Variants in SLC25A29 observed in about 807,000 individuals in gnomAD.
SLC25A29 encodes the protein mitochondrial basic amino acids transporter.
SLC25A29 carries 13 observed loss-of-function variants against 10.0 expected under a neutral mutation model. That is an observed-to-expected ratio of 1.30 (90% confidence interval 0.85 to 2.07). The LOEUF is 2.07. Among genes scored for constraint, SLC25A29 ranks in the 30% most tolerant of loss-of-function variants. The pLI is 0.00. For missense variants in SLC25A29, 475 were observed against 447.6 expected, an observed-to-expected ratio of 1.06 and a Z score of -0.55; for synonymous variants, 244 against 221.1, an observed-to-expected ratio of 1.10 and a Z score of -0.92.
At position 100,296,059 on chromosome 14, in the gene SLC25A29, GAC is replaced by G. The variant is rs1402631671; in HGVS notation, c.79-2684_79-2683del. On this transcript the variant is annotated intron_variant, in intron 2 of 3. Transcript: ENST00000359232. ...CTGTGGCCATGTGACAGTACGGACT[GAC>G]ACAGACTCGGGTGGCCCCTGATGAT... 13 of 1,266,050 alleles carry G rather than the reference GAC, an allele frequency of 1.0e-5. No individual in the cohort carries two copies. The South Asian group carries it at 1.1e-4, about 11-fold the overall frequency. 78.4% of individuals were successfully genotyped at this position (1,266,050 alleles called of 1,614,324 possible).
chr14:100,292,412 G>C lies in SLC25A29; in HGVS notation c.783C>G (p.Val261=). Residue 261 remains valine, a synonymous_variant, in exon 4 of 4, where the codon GTC becomes GTG. Coordinates refer to ENST00000359232, the MANE Select transcript of SLC25A29 (RefSeq NM_001039355.3). ...LASTLLRAFP[V]NAATFATVTV... is the part of the protein sequence containing the mutation. ...TGACGGTGGCGAAGGTGGCAGCGTT[G>C]ACGGGGAAGGCGCGCAGCAGCGTGG... The C allele has an allele frequency of 6.3e-7, 1 of 1,576,610 alleles. No homozygotes were observed. Among genetic ancestry groups the C allele is most frequent in the Non-Finnish European group, 8.6e-7 (1 of 1,164,074 alleles).
chr14:100,303,991 G>T (rs1318456522), intron 1 of SLC25A29, among the ~76,000 whole-genome samples: 1 of 152,162 alleles, frequency 6.6e-6, no homozygotes, highest in Non-Finnish European at 1.5e-5. Context: ...TAGGGGAGAG[G>T]GGGAGGCATT....
At chr14:100,295,431 C>CA in intron 2 of SLC25A29, 1 of 419,702 alleles carries the variant, frequency 2.4e-6, no homozygotes, top group South Asian at 2.1e-5. Context: ...GAGAGACCCC[C>CA]ACATGAGGAC....
chr14:100,295,838 G>A (rs909171659), intron 2 of SLC25A29: 3 of 1,289,604 alleles, frequency 2.3e-6, no homozygotes, highest in Non-Finnish European at 3.0e-6. Context: ...CATAGGTCAA[G>A]ACAACTGCTC....
intron 1 of SLC25A29, among the ~76,000 whole-genome samples, chr14:100,305,973 G>T (rs1400633645): frequency 2.0e-5 from 3 of 152,166 alleles, no homozygotes; most frequent in Non-Finnish European, 4.4e-5. Context: ...CAGACCTCCC[G>T]TCCGAGCGTG....
At chr14:100,299,892 C>T (rs1203943773) in intron 1 of SLC25A29, 1 of 985,358 alleles carries the variant, frequency 1.0e-6, no homozygotes, top group Non-Finnish European at 1.2e-6. Flanking sequence ...CATTCTCACT[C>T]TTCCACTTGA....
Position 100,292,961 on chromosome 14 carries a change from CCCGAACA to C in SLC25A29, c.227_233del (p.Val76GlyfsTer269), listed in dbSNP as rs1566796097. The C allele has an allele frequency of 6.2e-7, 1 of 1,603,864 alleles. No homozygotes were observed. The highest frequency in any genetic ancestry group is 1.1e-5 in the South Asian group (1 of 89,808). The stretch of plus-strand genomic sequence containing the variant: ...GGGCCCGGAGGGTGTTGCCCTGCAC[CCCGAACA>C]CCAGCGCGTTGATGAAGGTGAGCCC... On this transcript the variant is annotated frameshift_variant, in exon 4 of 4. Transcript: ENST00000359232. LOFTEE classifies it low-confidence loss of function (END_TRUNC).
At chr14:100,285,027 G>C in the SLC25A29 span, among the ~76,000 whole-genome samples, 2 of 124,094 alleles carry the variant, frequency 1.6e-5, no homozygotes, top group East Asian at 5.9e-4. Flanking sequence ...GACAGAGCGA[G>C]ACTCCGTCTA....
At chr14:100,285,594 C>A in the SLC25A29 span, among the ~76,000 whole-genome samples, 3 of 152,174 alleles carry the variant, frequency 2.0e-5, no homozygotes, top group African/African-American at 2.4e-5. Flanking sequence ...GAGCGTCCCC[C>A]GCGCGGAGTG....
chr14:100,287,513 A>T (rs1891566834), downstream of SLC25A29, among the ~76,000 whole-genome samples: 1 of 151,918 alleles, frequency 6.6e-6, no homozygotes, highest in African/African-American at 2.4e-5. Context: ...TGCGGAGTTC[A>T]GACTCTAGCT....
At chr14:100,299,721 G>T (rs149485386) in intron 1 of SLC25A29, 2 of 985,162 alleles carry the variant, frequency 2.0e-6, no homozygotes, top group East Asian at 1.1e-4. Context: ...TTTCACAGGA[G>T]AAACAGGCTC....
At chr14:100,285,662 C>T in the SLC25A29 span, among the ~76,000 whole-genome samples, 1 of 152,072 alleles carries the variant, frequency 6.6e-6, no homozygotes. Flanking sequence ...AAGGAGGCTG[C>T]GTGCACCCCA....
intron 2 of SLC25A29, 90 bp downstream of exon 2, chr14:100,298,752 G>A (rs2139748575): frequency 1.9e-6 from 3 of 1,544,944 alleles, no homozygotes; most frequent in Non-Finnish European, 2.7e-6. Flanking sequence ...ACCTGGGGCT[G>A]TACACGGAAA....
In SLC25A29 at chr14:100,292,751, A is replaced by C. The variant is rs145898480; in HGVS notation, c.444T>G (p.Arg148=). Residue 148 remains arginine (R), a synonymous_variant, in exon 4 of 4, where the codon CGT becomes CGG. Transcript: ENST00000359232. ...TGGACACCATGCCCCGGTTGACGCC[A>C]CGCAGACCCTCGTGCCCGTAGATCT... The part of the protein sequence containing the change: ...LAQIYGHEGL[R]GVNRGMVSTL... The C allele has an allele frequency of 6.2e-4, 995 of 1,602,180 alleles. 1 individual carries two copies. Among genetic ancestry groups the C allele is most frequent in the Non-Finnish European group, 7.8e-4 (915 of 1,175,612 alleles).
At position 100,292,726 on chromosome 14, in the gene SLC25A29, T is replaced by G; in HGVS notation, c.469A>C (p.Thr157Pro). 6.2e-7 allele frequency: 1 copy of G among 1,602,930 alleles called. No individual in the cohort carries two copies. Among genetic ancestry groups the G allele is most frequent in the Non-Finnish European group, 8.5e-7 (1 of 1,175,832 alleles). Residue 157 changes from threonine to proline, a missense_variant, in exon 4 of 4, where the codon ACG becomes CCG. Physicochemically the swap from Thr to Pro is conservative, Grantham distance 38. Coordinates refer to ENST00000359232, the MANE Select transcript of SLC25A29 (RefSeq NM_001039355.3). ...LRGVNRGMVSTLLRETPSFGV... is the reference protein window; with the variant it reads ...LRGVNRGMVSPLLRETPSFGV... Reference sequence around the variant, plus strand: ...AAGCTGGGCGTCTCACGCAGCAACGTGGACACCATGCCCCGGTTGACGCCA... The same window carrying G: ...AAGCTGGGCGTCTCACGCAGCAACGGGGACACCATGCCCCGGTTGACGCCA...
chr14:100,300,161 C>T (rs1892445656), intron 1 of SLC25A29, among the ~76,000 whole-genome samples: 1 of 152,136 alleles, frequency 6.6e-6, no homozygotes, highest in East Asian at 1.9e-4. Flanking sequence ...GTCCCAGCTA[C>T]TCAGGAGGCT....
At chr14:100,286,713 TG>T (rs1891551877), downstream of SLC25A29, among the ~76,000 whole-genome samples, 1 of 152,118 alleles carries the variant, frequency 6.6e-6, no homozygotes, top group Non-Finnish European at 1.5e-5. Flanking sequence ...TGCCTCTCCG[TG>T]GGTAGGTGGG....
At chr14:100,289,210 A>G (rs1275769660), downstream of SLC25A29, among the ~76,000 whole-genome samples, 1 of 152,232 alleles carries the variant, frequency 6.6e-6, no homozygotes, top group East Asian at 1.9e-4. Context: ...CTCAGAGGAC[A>G]CTTGGCTATT....
intron 2 of SLC25A29, 39 bp from the exon 3 acceptor site, chr14:100,293,416 A>G (rs1891919446): frequency 6.3e-7 from 1 of 1,591,788 alleles, no homozygotes; most frequent in African/African-American, 1.3e-5. Context: ...GGCAGGCAGG[A>G]CCAGAGCACC....
Sources: gnomAD v4.1 joint callset for allele counts (sites outside exome capture counted in the v4.1 genomes callset) on GRCh38, gnomAD v4.1.1 for gene constraint, MANE v1.5 for transcripts, NCBI Gene and HGNC (gene_info 2026-07-23, HGNC 2026-07-21) for gene names.